Variants in POGZ observed in about 807,000 individuals in gnomAD.
POGZ encodes the protein pogo transposable element derived with ZNF domain.
In POGZ, 17 loss-of-function variants were observed where a neutral mutation model predicts 134.6. The ratio of observed to expected loss-of-function variants is 0.13; its 90% CI spans 0.09 to 0.19. The LOEUF (loss-of-function observed/expected upper bound fraction) is 0.19, where lower values mean the gene tolerates loss of function less well. POGZ is among the 10% of genes least tolerant of loss of function. The probability of loss-of-function intolerance (pLI) is 1.00; values close to 1 mark genes in which losing one functional copy is unlikely to be tolerated. For synonymous variants in POGZ, 693 were observed against 657.1 expected (o/e 1.05, Z -0.84); for missense variants, 1,306 against 1,769.7 (o/e 0.74, Z 4.70).
chr1:151,433,912 T>C (rs1368364795), intron 3 of POGZ, among the ~76,000 whole-genome samples: 4 of 152,082 alleles, frequency 2.6e-5, no homozygotes, highest in African/African-American at 7.2e-5. Flanking sequence ...AGGGCAGTGG[T>C]ATGCACCCGT....
intron 1 of POGZ, among the ~76,000 whole-genome samples, chr1:151,454,623 T>C (rs1337120932): frequency 2.0e-5 from 3 of 152,234 alleles, no homozygotes; most frequent in Non-Finnish European, 1.5e-5. Flanking sequence ...AGTTCTCTTC[T>C]TTAAAGGGGT....
intron 7 of POGZ, among the ~76,000 whole-genome samples, chr1:151,425,711 A>G (rs999062377): frequency 6.6e-6 from 1 of 152,214 alleles, no homozygotes; most frequent in African/African-American, 2.4e-5. Context: ...AGCCTGAACA[A>G]TATACCATTG....
Position 151,428,113 on chromosome 1 carries a change from G to A in POGZ, c.859+10C>T, listed in dbSNP as rs778604556. 16 of 1,613,612 alleles carry A rather than the reference G, an allele frequency of 9.9e-6. No individual in the cohort carries two copies. The Middle Eastern group carries it at 6.6e-4, about 66-fold the overall frequency. On this transcript the variant is annotated intron_variant, in intron 6 of 18. Coordinates refer to ENST00000271715, the MANE Select transcript of POGZ (RefSeq NM_015100.4). ...ACCTGGCTCTGCCATCTCCTCTTCC[G>A]AAGCCTTACCTAGCTTGGGATTCGT...
chr1:151,428,215 G>A lies in POGZ; in HGVS notation c.767C>T (p.Ser256Phe), dbSNP rs766638970. The change falls in exon 6 of 19, where the codon TCT becomes TTT. Residue 256 changes from serine to phenylalanine, a missense_variant. By Grantham distance (155) the Ser-to-Phe change is radical. This residue lies in a region of POGZ where 541 missense variants were observed against 680.5 expected (regional missense o/e 0.80). Transcript: ENST00000271715. ...SQQTKSTPST[S>F]TTPTATQPTS... is the part of the protein sequence containing the mutation. ...TGGCTGTGTGGCAGTGGGAGTGGTAGAAGTGCTGGGAGTGGACTTGGTCTG... is the reference window on the plus strand; with the variant it reads ...TGGCTGTGTGGCAGTGGGAGTGGTAAAAGTGCTGGGAGTGGACTTGGTCTG... The A allele has an allele frequency of 6.2e-7, 1 of 1,614,122 alleles. No homozygotes were observed. The highest frequency in any genetic ancestry group is 8.5e-7 in the Non-Finnish European group (1 of 1,179,972).
At chr1:151,415,489 T>C (rs1231337862) in intron 10 of POGZ, among the ~76,000 whole-genome samples, 2 of 151,632 alleles carry the variant, frequency 1.3e-5, no homozygotes, top group African/African-American at 4.8e-5. Flanking sequence ...GCTAACACGA[T>C]GAAACCCCGT....
chr1:151,448,857 CCT>C (rs748179664), intron 1 of POGZ, among the ~76,000 whole-genome samples: 3 of 150,890 alleles, frequency 2.0e-5, no homozygotes, highest in Non-Finnish European at 4.4e-5. Flanking sequence ...AGAGCAAGAC[CCT>C]GTTCTCAAAA....
At chr1:151,449,942 T>G (rs1661818749) in intron 1 of POGZ, among the ~76,000 whole-genome samples, 1 of 152,010 alleles carries the variant, frequency 6.6e-6, no homozygotes, top group Non-Finnish European at 1.5e-5. Context: ...AATGGTTATA[T>G]CTTGTATGTT....
At chr1:151,458,204 GAAC>G (rs1478959830) in intron 1 of POGZ, among the ~76,000 whole-genome samples, 3 of 152,102 alleles carry the variant, frequency 2.0e-5, no homozygotes, top group African/African-American at 7.2e-5. Context: ...AAGGAAATAA[GAAC>G]AACACGCAGA....
At chr1:151,417,574 C>G (rs1006009552) in intron 10 of POGZ, among the ~76,000 whole-genome samples, 1 of 151,208 alleles carries the variant, frequency 6.6e-6, no homozygotes, top group African/African-American at 2.4e-5. Flanking sequence ...GTTGGCCAGG[C>G]TGGTCTTGAA....
In POGZ at chr1:151,405,578, C is replaced by T; in HGVS notation, c.3457G>A (p.Gly1153Arg). The T allele has an allele frequency of 6.2e-7, 1 of 1,614,158 alleles. No individual in the cohort carries two copies. The highest frequency in any genetic ancestry group is 8.5e-7 in the Non-Finnish European group (1 of 1,179,998). ...AGGACTACATCACACCAAGGTTCCC[C>T]TGTGCCCACTGTCTGCAGGGCATTC... ...KENALQTVGT[G>R]EPWCDVVLAI... Residue 1153 changes from glycine (G) to arginine (R), a missense_variant, in exon 19 of 19, where the codon GGG becomes AGG. Physicochemically the swap from Gly to Arg is moderately radical, Grantham distance 125. Transcript: ENST00000271715. The surrounding 1 kb of genome is among the most constrained non-coding windows in gnomAD (Gnocchi z 4.9).
chr1:151,450,402 T>C (rs1384935278), intron 1 of POGZ, among the ~76,000 whole-genome samples: 1 of 151,644 alleles, frequency 6.6e-6, no homozygotes, highest in African/African-American at 2.4e-5. Flanking sequence ...GCCTGGGCTG[T>C]AGTGCAGTGG....
At chr1:151,447,421 C>T (rs939758582) in intron 1 of POGZ, among the ~76,000 whole-genome samples, 1 of 151,598 alleles carries the variant, frequency 6.6e-6, no homozygotes, top group Non-Finnish European at 1.5e-5. Context: ...ACTGATAATC[C>T]CTTAATATCA....
chr1:151,404,674 G>T lies in POGZ; in HGVS notation c.*128C>A. On this transcript the variant is annotated 3_prime_UTR_variant, in exon 19 of 19. Transcript: ENST00000271715. The stretch of plus-strand genomic sequence containing the variant: ...GGAAGTGTAAGTCAACTTCAGGGGG[G>T]AGTGGTGGTATAAAATTAAAAAATA... 2.1e-6 allele frequency: 3 copies of T among 1,417,540 alleles called. No homozygotes were observed. The highest frequency in any genetic ancestry group is 2.8e-6 in the Non-Finnish European group (3 of 1,089,584). The allele number at this position is 1,417,540 out of a possible 1,614,324, so 87.8% of individuals were successfully genotyped here.
chr1:151,458,555 G>A (rs1211169779), intron 1 of POGZ, among the ~76,000 whole-genome samples: 2 of 151,156 alleles, frequency 1.3e-5, no homozygotes, highest in South Asian at 2.1e-4. Context: ...TTCTCGGAGC[G>A]GGAATGGGGC....
Position 151,456,249 on chromosome 1 carries a change from CA to C in POGZ, c.-2+2902del, listed in dbSNP as rs566555386. 1.5e-3 allele frequency among the ~76,000 whole-genome samples: 224 copies of C among 152,270 alleles called. 1 individual carries two copies. Among genetic ancestry groups the C allele is most frequent in the Admixed American group, 3.9e-3 (59 of 15,282 alleles). ...CTTCCAAATAACATATTTCATTAAACAACATTTTAAAATATTGCAGTCCTTA... is the reference window on the plus strand; with the variant it reads ...CTTCCAAATAACATATTTCATTAAACACATTTTAAAATATTGCAGTCCTTA... On this transcript the variant is annotated intron_variant, in intron 1 of 18. Transcript: ENST00000271715.
chr1:151,434,982 C>A (rs759918032), intron 3 of POGZ, among the ~76,000 whole-genome samples: 1 of 151,742 alleles, frequency 6.6e-6, no homozygotes, highest in Non-Finnish European at 1.5e-5. Context: ...CTCACTGCAA[C>A]CTCTGCCTCC....
chr1:151,438,715 A>G (rs1205852834), intron 3 of POGZ, among the ~76,000 whole-genome samples: 2 of 152,094 alleles, frequency 1.3e-5, no homozygotes, highest in Non-Finnish European at 2.9e-5. Context: ...CTGTCTCTAC[A>G]AACATTATAA....
At chr1:151,415,754 C>A (rs1255029182) in intron 10 of POGZ, among the ~76,000 whole-genome samples, 1 of 151,672 alleles carries the variant, frequency 6.6e-6, no homozygotes, top group African/African-American at 2.4e-5. Context: ...AACTAACAGT[C>A]TTAACCATTT....
At chr1:151,425,735 C>T (rs1557905176) in intron 7 of POGZ, among the ~76,000 whole-genome samples, 2 of 152,210 alleles carry the variant, frequency 1.3e-5, no homozygotes, top group Admixed American at 6.5e-5. Context: ...GTGAATACCA[C>T]ATTTTATTTA....
Sources: allele counts gnomAD v4.1 joint callset (sites outside exome capture counted in the v4.1 genomes callset), GRCh38; gene constraint gnomAD v4.1.1; regional missense constraint gnomAD v4.1.1; non-coding constraint Gnocchi (gnomAD v3.1); transcripts MANE v1.5; gene names NCBI Gene and HGNC (gene_info 2026-07-23, HGNC 2026-07-21).